SAMD4A: variants seen among roughly 807,000 people sequenced by gnomAD.
SAMD4A encodes protein Smaug homolog 1.
In SAMD4A, 33 loss-of-function variants were observed where a neutral mutation model predicts 81.3. That is an observed-to-expected ratio of 0.41 (90% CI 0.31 to 0.54). SAMD4A has a LOEUF of 0.54. Ranked by LOEUF, SAMD4A falls within the 20% of genes least tolerant of loss-of-function variation. The pLI, the probability that SAMD4A is intolerant of heterozygous loss-of-function variation, is 0.37. For missense variants in SAMD4A, 854 were observed against 951.1 expected, an observed-to-expected ratio of 0.90 and a Z score of 1.34; for synonymous variants, 389 against 382.1, an observed-to-expected ratio of 1.02 and a Z score of -0.21.
chr14:54,589,380 G>C (rs1419079641), intron 2 of SAMD4A, among the ~76,000 whole-genome samples: 2 of 152,146 alleles, frequency 1.3e-5, no homozygotes, highest in Non-Finnish European at 2.9e-5. Flanking sequence ...AAATTTTATG[G>C]CCATGTGTGG....
At chr14:54,569,342 G>C (rs1308895723) in intron 2 of SAMD4A, among the ~76,000 whole-genome samples, 1 of 152,188 alleles carries the variant, frequency 6.6e-6, no homozygotes, top group Non-Finnish European at 1.5e-5. Flanking sequence ...GAAAACACTA[G>C]AATGGGATGC....
chr14:54,647,213 A>G (rs948502026), intron 2 of SAMD4A, among the ~76,000 whole-genome samples: 1 of 152,234 alleles, frequency 6.6e-6, no homozygotes, highest in Non-Finnish European at 1.5e-5. Flanking sequence ...ATCATCATCA[A>G]CTAATATTAA....
At chr14:54,735,210 GTTTTT>G (rs11325352) in intron 3 of SAMD4A, 1 of 143,350 alleles carries the variant, frequency 7.0e-6, no homozygotes, top group Non-Finnish European at 1.5e-5. Context: ...CTGCCGCTTC[GTTTTT>G]TTTTTTTTCT....
At position 54,660,813 on chromosome 14, in the gene SAMD4A, T is replaced by G. The variant is rs945862530; in HGVS notation, c.197-41249T>G. ...TTTTCCACCAACAACTTTGGATGGC[T>G]TCCATTAGACTTGGTATCCAAGCAT... On this transcript the variant is annotated intron_variant, in intron 2 of 12. Coordinates refer to ENST00000554335, the MANE Select transcript of SAMD4A (RefSeq NM_015589.6). 2.0e-5 allele frequency among the ~76,000 whole-genome samples: 3 copies of G among 152,370 alleles called. No individual in the cohort carries two copies. In the South Asian group the frequency reaches 6.2e-4, roughly 32 times the overall value.
At chr14:54,726,573 G>A (rs2037420279) in intron 3 of SAMD4A, among the ~76,000 whole-genome samples, 1 of 152,172 alleles carries the variant, frequency 6.6e-6, no homozygotes, top group Non-Finnish European at 1.5e-5. Context: ...GCCAATCTAG[G>A]GAGGTTTGGA....
At chr14:54,640,369 T>C (rs79592375) in intron 2 of SAMD4A, among the ~76,000 whole-genome samples, 2 of 152,306 alleles carry the variant, frequency 1.3e-5, no homozygotes, top group African/African-American at 4.8e-5. Context: ...GAGGTCCCTA[T>C]TGACACAGAA....
In SAMD4A at chr14:54,601,597, C is replaced by T. The variant is rs139668124; in HGVS notation, c.196+33485C>T. Reference sequence around the variant, plus strand: ...CCTATTGTACAAATATTTTTATCTTCATGTAAATCAAAGGGCCATCACCTG... The same window carrying T: ...CCTATTGTACAAATATTTTTATCTTTATGTAAATCAAAGGGCCATCACCTG... On this transcript the variant is annotated intron_variant, in intron 2 of 12. Coordinates refer to ENST00000554335, the MANE Select transcript of SAMD4A (RefSeq NM_015589.6). Among the ~76,000 whole-genome samples, 787 of 152,228 alleles carry T rather than the reference C, an allele frequency of 5.2e-3. 8 individuals carry two copies. The highest frequency in any genetic ancestry group is 0.018 in the African/African-American group (758 of 41,534).
At chr14:54,664,053 A>T (rs914976696) in intron 2 of SAMD4A, among the ~76,000 whole-genome samples, 1 of 152,238 alleles carries the variant, frequency 6.6e-6, no homozygotes, top group African/African-American at 2.4e-5. Flanking sequence ...CTTGTTAATG[A>T]TGAATTTGCT....
chr14:54,756,627 G>A (rs369286089), intron 6 of SAMD4A, among the ~76,000 whole-genome samples: 20 of 152,296 alleles, frequency 1.3e-4, no homozygotes, highest in Middle Eastern at 6.8e-3. Flanking sequence ...GAATGGATGC[G>A]CTAGATACAG....
chr14:54,675,504 T>C (rs1011682846), intron 2 of SAMD4A, among the ~76,000 whole-genome samples: 2 of 152,280 alleles, frequency 1.3e-5, no homozygotes, highest in Non-Finnish European at 2.9e-5. Flanking sequence ...ATGCTTTAGG[T>C]CTGACTAAGC....
chr14:54,747,264 A>G (rs1381139540), intron 4 of SAMD4A, among the ~76,000 whole-genome samples: 1 of 152,242 alleles, frequency 6.6e-6, no homozygotes, highest in Non-Finnish European at 1.5e-5. Context: ...TTGACTGTCC[A>G]ATTTCAATTC....
At chr14:54,639,844 C>T (rs1053024457) in intron 2 of SAMD4A, among the ~76,000 whole-genome samples, 48 of 151,088 alleles carry the variant, frequency 3.2e-4, no homozygotes, top group African/African-American at 1.1e-3. Context: ...ACCACTGTTA[C>T]TAGTTCTGCT....
intron 6 of SAMD4A, among the ~76,000 whole-genome samples, chr14:54,755,110 A>G (rs1002443543): frequency 6.6e-6 from 1 of 152,200 alleles, no homozygotes; most frequent in Non-Finnish European, 1.5e-5. Flanking sequence ...TTAGGAAACT[A>G]TAGCAAGTCT....
intron 2 of SAMD4A, among the ~76,000 whole-genome samples, chr14:54,606,995 G>T (rs8021712): frequency 0.13 from 20,215 of 152,250 alleles, 1,805 homozygotes; most frequent in East Asian, 0.39. Context: ...TCAGGGAGTG[G>T]ACTCACCAGA....
intron 2 of SAMD4A, among the ~76,000 whole-genome samples, chr14:54,603,981 T>A (rs904659442): frequency 6.6e-6 from 1 of 152,060 alleles, no homozygotes; most frequent in African/African-American, 2.4e-5. Flanking sequence ...TGTGCCACCA[T>A]GCCCGGCTAA....
At chr14:54,626,057 TGTGC>T (rs1413412405) in intron 2 of SAMD4A, among the ~76,000 whole-genome samples, 38 of 105,800 alleles carry the variant, frequency 3.6e-4, no homozygotes, top group Admixed American at 1.1e-3. Context: ...TGTGTGTGTG[TGTGC>T]GCGCGCGCGC....
chr14:54,758,340 G>A (rs569580744), intron 6 of SAMD4A, among the ~76,000 whole-genome samples: 28 of 152,296 alleles, frequency 1.8e-4, no homozygotes, highest in African/African-American at 6.3e-4. Context: ...AAACAGGCAC[G>A]TCCAAGCCTG....
intron 3 of SAMD4A, among the ~76,000 whole-genome samples, chr14:54,734,128 A>G (rs1219998236): frequency 1.3e-5 from 2 of 152,148 alleles, no homozygotes; most frequent in South Asian, 4.1e-4. Context: ...TTCACCCCAA[A>G]TTGGCACTGT....
At chr14:54,615,887 TC>T (rs901555071) in intron 2 of SAMD4A, among the ~76,000 whole-genome samples, 171 of 150,590 alleles carry the variant, frequency 1.1e-3, no homozygotes, top group African/African-American at 3.8e-3. Flanking sequence ...GACCCTCCCC[TC>T]CCCCCCGATA....
Sources: gnomAD v4.1 joint callset for allele counts (sites outside exome capture counted in the v4.1 genomes callset) on GRCh38, gnomAD v4.1.1 for gene constraint, MANE v1.5 for transcripts, NCBI Gene and HGNC (gene_info 2026-07-23, HGNC 2026-07-21) for gene names.